Variants in PRKCB observed in about 807,000 individuals in gnomAD.
PRKCB encodes protein kinase C beta type.
PRKCB carries 13 observed loss-of-function variants against 81.5 expected under a neutral mutation model. The observed-to-expected ratio is 0.16, with a 90% CI of 0.10 to 0.25. The LOEUF is 0.25. Among genes scored for constraint, PRKCB ranks in the 10% least tolerant of loss-of-function variants. PRKCB has a pLI of 1.00. For missense variants in PRKCB, 509 were observed against 875.7 expected, an observed-to-expected ratio of 0.58 and a Z score of 5.29; for synonymous variants, 335 against 321.4, an observed-to-expected ratio of 1.04 and a Z score of -0.45.
intron 2 of PRKCB, among the ~76,000 whole-genome samples, chr16:23,966,874 AG>A (rs1964494337): frequency 6.6e-6 from 1 of 152,186 alleles, no homozygotes; most frequent in Non-Finnish European, 1.5e-5. Context: ...TAGTGGACTA[AG>A]CTCTGATGAC....
intron 5 of PRKCB, among the ~76,000 whole-genome samples, chr16:24,077,153 C>A (rs1284850608): frequency 5.9e-5 from 9 of 151,700 alleles, no homozygotes; most frequent in African/African-American, 2.2e-4. Flanking sequence ...TTGGGCTGTG[C>A]CATTTGGAAG....
At chr16:23,846,556 G>A (rs994634982) in intron 2 of PRKCB, among the ~76,000 whole-genome samples, 10 of 124,994 alleles carry the variant, frequency 8.0e-5, no homozygotes, top group Admixed American at 3.1e-4. Flanking sequence ...GTTGCAGTGA[G>A]CCAAGATTGC....
intron 15 of PRKCB, among the ~76,000 whole-genome samples, chr16:24,190,728 A>G (rs1967778791): frequency 6.6e-6 from 1 of 152,120 alleles, no homozygotes; most frequent in Non-Finnish European, 1.5e-5. Context: ...CATGTTGGCC[A>G]GGATGGTCTC....
intron 5 of PRKCB, among the ~76,000 whole-genome samples, chr16:24,066,476 A>G (rs1160585788): frequency 6.6e-6 from 1 of 152,226 alleles, no homozygotes; most frequent in Admixed American, 6.5e-5. Flanking sequence ...ATGTACAGAA[A>G]AGTTGCAGAG....
At chr16:24,032,448 A>T (rs953537813) in intron 4 of PRKCB, among the ~76,000 whole-genome samples, 1 of 152,138 alleles carries the variant, frequency 6.6e-6, no homozygotes, top group African/African-American at 2.4e-5. Flanking sequence ...TTTTTAGCTC[A>T]TGACTCTGCA....
chr16:23,948,401 T>C (rs75616311), intron 2 of PRKCB, among the ~76,000 whole-genome samples: 5,491 of 152,200 alleles, frequency 0.036, 159 homozygotes, highest in African/African-American at 0.077. Context: ...GTTATCTCAT[T>C]GAATTCTTTT....
At chr16:23,931,972 T>G (rs1319666794) in intron 2 of PRKCB, among the ~76,000 whole-genome samples, 1 of 152,162 alleles carries the variant, frequency 6.6e-6, no homozygotes. Context: ...GAAAGTCAAA[T>G]AGACATTATA....
At chr16:24,140,128 GC>G (rs1347618145) in intron 9 of PRKCB, among the ~76,000 whole-genome samples, 1 of 152,184 alleles carries the variant, frequency 6.6e-6, no homozygotes, top group Non-Finnish European at 1.5e-5. Context: ...GACTGATGTG[GC>G]CACTGTCAAA....
chr16:23,939,852 C>T (rs73538887), intron 2 of PRKCB, among the ~76,000 whole-genome samples: 3,423 of 152,186 alleles, frequency 0.022, 138 homozygotes, highest in African/African-American at 0.078. Flanking sequence ...ATTGAATAGT[C>T]GGACTTCATC....
intron 2 of PRKCB, among the ~76,000 whole-genome samples, chr16:23,976,980 T>C (rs773703609): frequency 6.6e-6 from 1 of 152,218 alleles, no homozygotes; most frequent in Non-Finnish European, 1.5e-5. Flanking sequence ...TTAAATAAAT[T>C]TGGTAACATT....
chr16:23,908,039 A>AGCAGGTGG (rs897613834), intron 2 of PRKCB, among the ~76,000 whole-genome samples: 2 of 152,156 alleles, frequency 1.3e-5, no homozygotes, highest in African/African-American at 4.8e-5. Context: ...GATTTGGGGC[A>AGCAGGTGG]GCAGGTGGGG....
chr16:23,936,847 C>A (rs1195490348), intron 2 of PRKCB, among the ~76,000 whole-genome samples: 1 of 152,112 alleles, frequency 6.6e-6, no homozygotes, highest in Admixed American at 6.5e-5. Flanking sequence ...AATAGTGTGG[C>A]CAATGCATCA....
At chr16:23,883,505 G>A (rs760485036) in intron 2 of PRKCB, among the ~76,000 whole-genome samples, 1 of 152,172 alleles carries the variant, frequency 6.6e-6, no homozygotes, top group Non-Finnish European at 1.5e-5. Flanking sequence ...TTAGGTAGGC[G>A]AGATGCAAAG....
At chr16:24,186,854 C>T (rs1439549583) in intron 15 of PRKCB, among the ~76,000 whole-genome samples, 2 of 152,250 alleles carry the variant, frequency 1.3e-5, no homozygotes, top group Non-Finnish European at 2.9e-5. Flanking sequence ...GCATGTATCC[C>T]TGGGGAAACC....
rs1392337253 is a variant in PRKCB at position 24,220,458 on chromosome 16, T to C, written c.*5642T>C. The C allele has an allele frequency of 5.6e-6, 1 of 179,190 alleles. No homozygotes were observed. The highest frequency in any genetic ancestry group is 1.2e-5 in the Non-Finnish European group (1 of 85,218). 11.1% of individuals were successfully genotyped at this position (179,190 alleles called of 1,614,324 possible). A position where few individuals can be genotyped will look rare whatever the true frequency, so the allele number is the denominator to read the frequency against. ...AAGCTGATGTTCCTGGTAAAAGTTT[T>C]TACAGTTATTCTATAATATCTTCTT... On this transcript the variant is annotated 3_prime_UTR_variant, in exon 17 of 17. Coordinates refer to ENST00000643927, the MANE Select transcript of PRKCB (RefSeq NM_002738.7).
intron 16 of PRKCB, among the ~76,000 whole-genome samples, chr16:24,204,159 T>C (rs145192101): frequency 6.6e-5 from 10 of 152,212 alleles, no homozygotes; most frequent in Non-Finnish European, 1.5e-5. Flanking sequence ...AAGTATTTGA[T>C]GTGAATTTTA....
At chr16:24,115,451 C>T (rs137912102) in intron 8 of PRKCB, among the ~76,000 whole-genome samples, 14 of 140,632 alleles carry the variant, frequency 1.0e-4, no homozygotes, top group South Asian at 2.3e-4. Flanking sequence ...TTATCCCAAG[C>T]GTATTTATCC....
chr16:24,080,374 C>A (rs775741864), intron 5 of PRKCB, among the ~76,000 whole-genome samples: 1 of 152,102 alleles, frequency 6.6e-6, no homozygotes, highest in Non-Finnish European at 1.5e-5. Context: ...GAGAAAGAGG[C>A]AGATCAAACA....
chr16:23,896,203 C>G (rs1465116563), intron 2 of PRKCB, among the ~76,000 whole-genome samples: 1 of 151,952 alleles, frequency 6.6e-6, no homozygotes, highest in Non-Finnish European at 1.5e-5. Context: ...ATTTGATTTC[C>G]CATGAATTGC....
Sources: allele counts gnomAD v4.1 joint callset (sites outside exome capture counted in the v4.1 genomes callset), GRCh38; gene constraint gnomAD v4.1.1; transcripts MANE v1.5; gene names NCBI Gene and HGNC (gene_info 2026-07-23, HGNC 2026-07-21).